Variants in DTNB observed in about 807,000 individuals in gnomAD.
DTNB encodes dystrobrevin beta.
DTNB carries 63 observed loss-of-function variants against 90.7 expected under a neutral mutation model. That is an observed-to-expected ratio of 0.69 (90% CI 0.57 to 0.86). The LOEUF (loss-of-function observed/expected upper bound fraction) is 0.86, where lower values mean the gene tolerates loss of function less well. DTNB is among the 40% of genes least tolerant of loss of function. The pLI, the probability that DTNB is intolerant of heterozygous loss-of-function variation, is 0.00. For missense variants in DTNB, 744 were observed against 807.1 expected, an observed-to-expected ratio of 0.92 and a Z score of 0.95; for synonymous variants, 277 against 286.7, an observed-to-expected ratio of 0.97 and a Z score of 0.34.
chr2:25,489,700 G>C (rs1349806789), intron 9 of DTNB, among the ~76,000 whole-genome samples: 1 of 151,532 alleles, frequency 6.6e-6, no homozygotes, highest in East Asian at 1.9e-4. Flanking sequence ...TAAATTAAGA[G>C]AAAAAATATA....
intron 20 of DTNB, among the ~76,000 whole-genome samples, chr2:25,378,214 C>CG (rs1182349115): frequency 6.6e-6 from 1 of 152,206 alleles, no homozygotes; most frequent in African/African-American, 2.4e-5. Context: ...TCGGCTGCCA[C>CG]GGCCTAGGCT....
At chr2:25,408,305 GT>G (rs1263693321) in intron 16 of DTNB, among the ~76,000 whole-genome samples, 1 of 149,556 alleles carries the variant, frequency 6.7e-6, no homozygotes, top group Non-Finnish European at 1.5e-5. Context: ...GCGAGACTCT[GT>G]CTCCAAAAAA....
intron 10 of DTNB, among the ~76,000 whole-genome samples, chr2:25,470,369 A>AC (rs2062566556): frequency 7.5e-6 from 1 of 132,780 alleles, no homozygotes; most frequent in African/African-American, 2.8e-5. Context: ...TTACACGACA[A>AC]TTTTTTTTTT....
At chr2:25,471,014 A>G (rs1030932580) in intron 10 of DTNB, among the ~76,000 whole-genome samples, 1 of 152,242 alleles carries the variant, frequency 6.6e-6, no homozygotes, top group Non-Finnish European at 1.5e-5. Context: ...AAGGAAGTAC[A>G]ACATCCTTCC....
intron 9 of DTNB, among the ~76,000 whole-genome samples, chr2:25,526,255 T>C (rs908433170): frequency 3.3e-5 from 5 of 151,080 alleles, no homozygotes; most frequent in Admixed American, 6.6e-5. Flanking sequence ...TGCCATACAC[T>C]GTGGCATTAT....
intron 16 of DTNB, among the ~76,000 whole-genome samples, chr2:25,393,457 T>C (rs1291589460): frequency 1.3e-5 from 2 of 152,174 alleles, no homozygotes; most frequent in Non-Finnish European, 2.9e-5. Context: ...TGTTTGCTGA[T>C]TATATGATTG....
At chr2:25,606,744 T>G (rs1452458237) in intron 5 of DTNB, among the ~76,000 whole-genome samples, 1 of 151,864 alleles carries the variant, frequency 6.6e-6, no homozygotes, top group Non-Finnish European at 1.5e-5. Context: ...TTAGCAAAGA[T>G]AACAGGAATT....
At chr2:25,512,684 C>T (rs540002813) in intron 9 of DTNB, among the ~76,000 whole-genome samples, 1 of 152,292 alleles carries the variant, frequency 6.6e-6, no homozygotes, top group African/African-American at 2.4e-5. Context: ...GTTGCATGGA[C>T]ATACCAGGAT....
intron 8 of DTNB, among the ~76,000 whole-genome samples, chr2:25,555,269 C>T (rs1356113187): frequency 6.3e-5 from 8 of 126,770 alleles, no homozygotes; most frequent in African/African-American, 9.5e-5. Context: ...CCAGCCTGGG[C>T]GACAGAGCAA....
chr2:25,604,395 TTCTTTC>T (rs1251745582), intron 5 of DTNB, among the ~76,000 whole-genome samples: 1 of 103,958 alleles, frequency 9.6e-6, no homozygotes, highest in Non-Finnish European at 2.0e-5. Flanking sequence ...TCTCTCTCCC[TTCTTTC>T]TCTCTCTCTC....
At chr2:25,570,703 T>A (rs1362442661) in intron 8 of DTNB, among the ~76,000 whole-genome samples, 1 of 152,162 alleles carries the variant, frequency 6.6e-6, no homozygotes, top group Admixed American at 6.5e-5. Context: ...CTCTCCTGGC[T>A]TTCATCCCAC....
intron 16 of DTNB, among the ~76,000 whole-genome samples, chr2:25,405,700 T>C (rs892012289): frequency 6.6e-6 from 1 of 152,136 alleles, no homozygotes. Flanking sequence ...ACATAATATC[T>C]GGTTTGGCCT....
Position 25,383,865 on chromosome 2 carries a change from T to C in DTNB, c.1850A>G (p.Glu617Gly), listed in dbSNP as rs2149512598. 1 of 1,614,022 alleles carries C rather than the reference T, an allele frequency of 6.2e-7. No individual in the cohort carries two copies. The highest frequency in any genetic ancestry group is 2.2e-5 in the East Asian group (1 of 44,862). ...HSAEEGAEEE[E>G]EKMQNGKDRG ...GTCTTTCCCATTCTGCATCTTCTCTTCTTCTTCCTCTGCACCTTCCTCTGC... is the reference window on the plus strand; with the variant it reads ...GTCTTTCCCATTCTGCATCTTCTCTCCTTCTTCCTCTGCACCTTCCTCTGC... Residue 617 changes from glutamate (E) to glycine (G), a missense_variant, in exon 19 of 21, where the codon GAA becomes GGA. By Grantham distance (98) the Glu-to-Gly change is moderately conservative. Coordinates refer to ENST00000406818, the MANE Select transcript of DTNB (RefSeq NM_021907.5).
intron 16 of DTNB, among the ~76,000 whole-genome samples, chr2:25,417,223 G>A (rs932719957): frequency 1.3e-5 from 2 of 152,196 alleles, no homozygotes; most frequent in Non-Finnish European, 2.9e-5. Context: ...CCTGGCCATG[G>A]AGAACTCCCA....
chr2:25,649,057 T>C (rs1314531429), intron 2 of DTNB, among the ~76,000 whole-genome samples: 2 of 130,322 alleles, frequency 1.5e-5, no homozygotes, highest in Admixed American at 9.9e-5. Context: ...CAGGCTGGAG[T>C]GCAGTGGCGC....
intron 16 of DTNB, among the ~76,000 whole-genome samples, chr2:25,392,541 T>C (rs2041417739): frequency 6.6e-6 from 1 of 152,026 alleles, no homozygotes; most frequent in African/African-American, 2.4e-5. Flanking sequence ...CCAAATAAGC[T>C]CAAATAGAAA....
chr2:25,644,394 T>C (rs568878085), intron 2 of DTNB, among the ~76,000 whole-genome samples: 67 of 152,276 alleles, frequency 4.4e-4, no homozygotes, highest in Non-Finnish European at 8.1e-4. Flanking sequence ...AGAAGAGATA[T>C]AGAGCTAGAA....
intron 3 of DTNB, 34 bp downstream of exon 3, chr2:25,638,980 C>A: frequency 6.5e-7 from 1 of 1,527,446 alleles, no homozygotes; most frequent in Non-Finnish European, 8.9e-7. Flanking sequence ...AGAACTCTAT[C>A]CAGCTATCAC....
intron 9 of DTNB, among the ~76,000 whole-genome samples, chr2:25,508,825 C>T (rs1442720468): frequency 6.6e-6 from 1 of 152,202 alleles, no homozygotes; most frequent in Admixed American, 6.5e-5. Flanking sequence ...TGAGCCACTG[C>T]ACCCGGCCCT....
Sources: gnomAD v4.1 joint callset for allele counts (sites outside exome capture counted in the v4.1 genomes callset) on GRCh38, gnomAD v4.1.1 for gene constraint, MANE v1.5 for transcripts, NCBI Gene and HGNC (gene_info 2026-07-23, HGNC 2026-07-21) for gene names.